The following CATSPERG variants were observed in gnomAD, a reference collection of about 807,000 sequenced individuals.
CATSPERG encodes the protein catsper channel auxiliary subunit gamma.
A neutral mutation model predicts 145.0 loss-of-function variants in CATSPERG; 115 were observed. The observed-to-expected ratio is 0.79, with a 90% CI of 0.68 to 0.93. CATSPERG has a LOEUF of 0.93. CATSPERG is among the 40% of genes least tolerant of loss of function. The pLI is 0.00. For missense variants in CATSPERG, 1,296 were observed against 1,490.1 expected (o/e 0.87, Z 2.14); for synonymous variants, 588 against 589.0 (o/e 1.00, Z 0.02).
intron 8 of CATSPERG, 52 bp from the exon 9 acceptor site, chr19:38,354,658 G>C (rs1306734554): frequency 6.3e-7 from 1 of 1,593,444 alleles, no homozygotes; most frequent in East Asian, 2.2e-5. Flanking sequence ...GCAGGGGGCA[G>C]AGGCCCCAGA....
In CATSPERG at chr19:38,359,467, C is replaced by A; in HGVS notation, c.1497-3C>A. 4 of 1,602,914 alleles carry A rather than the reference C, an allele frequency of 2.5e-6. No individual in the cohort carries two copies. Among genetic ancestry groups the A allele is most frequent in the Non-Finnish European group, 3.4e-6 (4 of 1,170,032 alleles). ...GCCTAGCTCTCCATCTCTGTCCCTG[C>A]AGCTCTAACAAGGAAAACTTCATCT... is the stretch of plus-strand genomic sequence containing the variant. On this transcript the variant is annotated splice_polypyrimidine_tract_variant and splice_region_variant and intron_variant, in intron 13 of 28. Coordinates refer to ENST00000409235, the MANE Select transcript of CATSPERG (RefSeq NM_021185.5).
intron 17 of CATSPERG, 104 bp from the exon 18 acceptor site, chr19:38,362,106 T>C (rs866785142): frequency 3.9e-6 from 5 of 1,298,656 alleles, no homozygotes; most frequent in Middle Eastern, 2.6e-4. Context: ...CTGCTCTGGG[T>C]TGGGGGCTGG....
rs750206425 is a variant in CATSPERG, at chr19:38,367,262, TTGAC to T, written c.2723_2726del (p.Asp908AlafsTer4). On this transcript the variant is annotated frameshift_variant, in exon 23 of 29. Transcript: ENST00000409235. LOFTEE classifies it high-confidence loss of function. ...AGCCGCCTGAAGAACAAACACTACTTTGACTGCGTTAACGTGAACCCGGAGATGC... is the reference window on the plus strand; with the variant it reads ...AGCCGCCTGAAGAACAAACACTACTTTGCGTTAACGTGAACCCGGAGATGC... The T allele has an allele frequency of 1.9e-6, 3 of 1,613,806 alleles. No individual in the cohort carries two copies. Among genetic ancestry groups the T allele is most frequent in the Non-Finnish European group, 2.5e-6 (3 of 1,180,004 alleles).
Position 38,359,488 on chromosome 19 carries a change from C to A in CATSPERG, c.1515C>A (p.Phe505Leu). The change falls in exon 14 of 29, where the codon TTC (phenylalanine) becomes TTA (leucine). Residue 505 changes from phenylalanine (F) to leucine (L), a missense_variant. Phe to Leu is a conservative substitution (Grantham distance 22). Coordinates refer to ENST00000409235, the MANE Select transcript of CATSPERG (RefSeq NM_021185.5). ...CCTGCAGCTCTAACAAGGAAAACTT[C>A]ATCTACCTGGCAGACTTCCCCAAGG... The part of the protein sequence containing the change: ...FLLQSSNKEN[F>L]IYLADFPKEL... 6.2e-7 allele frequency: 1 copy of A among 1,613,378 alleles called. No homozygotes were observed. Among genetic ancestry groups the A allele is most frequent in the Non-Finnish European group, 8.5e-7 (1 of 1,179,398 alleles).
chr19:38,336,259 C>T (rs751981983), intron 1 of CATSPERG: 1 of 451,634 alleles, frequency 2.2e-6, no homozygotes, highest in Non-Finnish European at 4.4e-6. Context: ...AGGTGTGGGG[C>T]GAGGAAACAA....
Position 38,370,186 on chromosome 19 carries a change from C to T in CATSPERG, c.3141C>T (p.Asn1047=), listed in dbSNP as rs760680206. Residue 1047 remains asparagine (N), a synonymous_variant, in exon 28 of 29, where the codon AAC becomes AAT. Coordinates refer to ENST00000409235, the MANE Select transcript of CATSPERG (RefSeq NM_021185.5). ...NRGVDTSTYC[N]YQLTFLLHIH... ...GAGTGGACACGAGCACCTACTGCAA[C>T]TACCAGCTCACCTTCCTGCTGCACA... 8 of 1,613,972 alleles carry T rather than the reference C, an allele frequency of 5.0e-6. 1 individual carries two copies. The South Asian group carries it at 8.8e-5, about 18-fold the overall frequency.
chr19:38,337,038 G>T (rs970632037), intron 1 of CATSPERG, 183 bp from the exon 2 acceptor site: 62 of 704,490 alleles, frequency 8.8e-5, no homozygotes, highest in Non-Finnish European at 1.3e-4. Flanking sequence ...AGTCCGTGCG[G>T]GGGCAGGGCC....
At chr19:38,344,448 G>A in intron 6 of CATSPERG, 80 bp downstream of exon 6, 1 of 1,285,542 alleles carries the variant, frequency 7.8e-7, no homozygotes, top group Non-Finnish European at 1.1e-6. Flanking sequence ...ACAAGCAGCA[G>A]ATCCCATTTA....
Position 38,344,897 on chromosome 19 carries a change from ATATATT to A in CATSPERG, c.669+531_669+536del, listed in dbSNP as rs1600450095. On this transcript the variant is annotated intron_variant, in intron 6 of 28. Transcript: ENST00000409235. ...CACACACACACATATATATATATATATATATTTTTTTTTTTTTTTTTTTTTTTGAGA... is the reference window on the plus strand; with the variant it reads ...CACACACACACATATATATATATATATTTTTTTTTTTTTTTTTTTTTGAGA... Among the ~76,000 whole-genome samples the A allele has an allele frequency of 7.3e-4, 76 of 104,618 alleles. 3 individuals carry two copies. The highest frequency in any genetic ancestry group is 3.5e-3 in the South Asian group (10 of 2,862). The allele number at this position is 104,618 out of a possible 152,430, so 68.6% of individuals were successfully genotyped here.
At chr19:38,354,877 G>A (rs892612954) in intron 9 of CATSPERG, 30 bp downstream of exon 9, 6 of 1,609,892 alleles carry the variant, frequency 3.7e-6, no homozygotes, top group Non-Finnish European at 5.1e-6. Context: ...TCAGCCCCAG[G>A]GACCCCTCCA....
Position 38,358,348 on chromosome 19 carries a change from G to A in CATSPERG, c.1366+20G>A, listed in dbSNP as rs756267512. 32 of 1,614,024 alleles carry A rather than the reference G, an allele frequency of 2.0e-5. No homozygotes were observed. In the Admixed American group the frequency reaches 2.7e-4, roughly 13 times the overall value. On this transcript the variant is annotated intron_variant, in intron 12 of 28. Coordinates refer to ENST00000409235, the MANE Select transcript of CATSPERG (RefSeq NM_021185.5). ...CTGAAGGTAGGAAGGGAAGGCAGAC[G>A]TGGCCTCAGGGTGGCTGTGGGCCAG...
intron 3 of CATSPERG, among the ~76,000 whole-genome samples, chr19:38,340,028 T>C (rs1465036927): frequency 6.6e-6 from 1 of 151,830 alleles, no homozygotes; most frequent in East Asian, 1.9e-4. Context: ...CTAATTTTTA[T>C]ATTTTAGTAG....
intron 26 of CATSPERG, among the ~76,000 whole-genome samples, chr19:38,368,506 G>A (rs991009515): frequency 5.3e-5 from 8 of 152,204 alleles, no homozygotes; most frequent in Non-Finnish European, 1.2e-4. Context: ...TGTGGGGTCT[G>A]TCTCTCCTCC....
At chr19:38,366,994 G>A (rs1167287319) in intron 22 of CATSPERG, 162 bp from the exon 23 acceptor site, 7 of 647,564 alleles carry the variant, frequency 1.1e-5, no homozygotes, top group South Asian at 4.0e-5. Context: ...GCACCAGGCC[G>A]TGTTAATGAT....
At chr19:38,347,246 T>C (rs111857844) in intron 7 of CATSPERG, among the ~76,000 whole-genome samples, 34,694 of 151,936 alleles carry the variant, frequency 0.23, 4,184 homozygotes, top group Admixed American at 0.32. Context: ...GGCGTGGTAG[T>C]GGGCGCCTGT....
chr19:38,363,671 C>G lies in CATSPERG; in HGVS notation c.2475+839C>G, dbSNP rs538066785. Among the ~76,000 whole-genome samples, 771 of 151,646 alleles carry G rather than the reference C, an allele frequency of 5.1e-3. 6 individuals carry two copies. Among genetic ancestry groups the G allele is most frequent in the African/African-American group, 0.015 (633 of 41,292 alleles). ...ATTAGGGAGTGGTGATGACTCTTAA[C>G]GAGCATGCTGCCTTCAAGCATCTGT... On this transcript the variant is annotated intron_variant, in intron 20 of 28. Transcript: ENST00000409235.
chr19:38,364,291 G>A (rs1006016470), intron 20 of CATSPERG, among the ~76,000 whole-genome samples: 2 of 152,064 alleles, frequency 1.3e-5, no homozygotes, highest in African/African-American at 2.4e-5. Context: ...CAGACAGGGC[G>A]GCTGGGCAGA....
chr19:38,336,198 TGA>T (rs1238676391), intron 1 of CATSPERG: 1 of 450,726 alleles, frequency 2.2e-6, no homozygotes. Context: ...GAGGGGAAGG[TGA>T]GACTCAAGAA....
chr19:38,347,997 C>T (rs1970069238), intron 7 of CATSPERG, among the ~76,000 whole-genome samples: 1 of 151,786 alleles, frequency 6.6e-6, no homozygotes, highest in South Asian at 2.1e-4. Flanking sequence ...AAAAGCCCTA[C>T]TCACAATTTC....
Sources: allele counts gnomAD v4.1 joint callset (sites outside exome capture counted in the v4.1 genomes callset), GRCh38; gene constraint gnomAD v4.1.1; transcripts MANE v1.5; gene names NCBI Gene and HGNC (gene_info 2026-07-23, HGNC 2026-07-21).